Variants in RINT1 observed in about 807,000 individuals in gnomAD.
The protein encoded by RINT1 is RAD50-interacting protein 1.
Under a neutral mutation model 97.7 loss-of-function variants are expected in RINT1, and 75 were observed. The observed-to-expected ratio is 0.77, with a 90% confidence interval of 0.64 to 0.93. The LOEUF is 0.93. RINT1 is among the 40% of genes least tolerant of loss of function. The pLI is 0.00. For synonymous variants in RINT1, 303 were observed against 326.3 expected, an observed-to-expected ratio of 0.93 and a Z score of 0.77; for missense variants, 892 against 925.2, an observed-to-expected ratio of 0.96 and a Z score of 0.47.
chr7:105,565,352 G>A lies in RINT1; in HGVS notation c.1962G>A (p.Thr654=), dbSNP rs139532717. ...GTTCGGCTTGCCCGTTGCTGCTGAC[G>A]TTACGAGACCATTTACTTCAGTTGG... ...LSSSACPLLL[T]LRDHLLQLEQ... is the part of the protein sequence containing the mutation. The change falls in exon 13 of 15, where the codon ACG becomes ACA. Residue 654 remains threonine (T), a synonymous_variant. Coordinates refer to ENST00000257700, the MANE Select transcript of RINT1 (RefSeq NM_021930.6). 435 of 1,614,166 alleles carry A rather than the reference G, an allele frequency of 2.7e-4. No individual in the cohort carries two copies. The African/African-American group carries it at 4.7e-3, about 17-fold the overall frequency.
chr7:105,543,646 G>A (rs1237594926), intron 4 of RINT1, among the ~76,000 whole-genome samples: 1 of 152,126 alleles, frequency 6.6e-6, no homozygotes, highest in Non-Finnish European at 1.5e-5. Flanking sequence ...AGGGAGAAAA[G>A]TCTTCTGGGA....
chr7:105,556,957 C>T (rs1315043006), intron 11 of RINT1, among the ~76,000 whole-genome samples: 1 of 152,140 alleles, frequency 6.6e-6, no homozygotes, highest in Non-Finnish European at 1.5e-5. Flanking sequence ...CCTTCTTGAA[C>T]AGGGTGCCCT....
chr7:105,557,125 A>G (rs1791213859), intron 11 of RINT1, among the ~76,000 whole-genome samples: 1 of 152,214 alleles, frequency 6.6e-6, no homozygotes, highest in Non-Finnish European at 1.5e-5. Flanking sequence ...GACATTAAAT[A>G]TTAAAGAAAC....
At chr7:105,542,209 TGTG>T in intron 3 of RINT1, 196 bp from the exon 4 acceptor site, 2 of 518,018 alleles carry the variant, frequency 3.9e-6, no homozygotes, top group Non-Finnish European at 6.8e-6. Flanking sequence ...GTGGTGCATA[TGTG>T]TAGTCCCAAC....
rs906079883 is a variant in RINT1, at chr7:105,550,173, A to T, written c.1107+8A>T. 2 of 1,607,048 alleles carry T rather than the reference A, an allele frequency of 1.2e-6. No individual in the cohort carries two copies. The highest frequency in any genetic ancestry group is 3.3e-5 in the Admixed American group (2 of 59,880). ...TCTTTGGTAAACGCAAGGGTAAGAG[A>T]CTCAGTCATAAGTGTTTCTGTTTTA... is the stretch of plus-strand genomic sequence containing the variant. On this transcript the variant is annotated splice_region_variant and intron_variant, in intron 8 of 14. Transcript: ENST00000257700.
In RINT1 at chr7:105,547,204, C is replaced by G; in HGVS notation, c.710C>G (p.Ala237Gly). Residue 237 changes from alanine to glycine, a missense_variant, in exon 6 of 15, where the codon GCA becomes GGA. Coordinates refer to ENST00000257700, the MANE Select transcript of RINT1 (RefSeq NM_021930.6). ...KLTSDFEEILAQLHWPFIAPP... is the reference protein window; with the variant it reads ...KLTSDFEEILGQLHWPFIAPP... Reference sequence around the variant, plus strand: ...TGCAGTGATTTTGAGGAAATTTTAGCACAGCTTCATTGGCCATTCATCGCA... The same window carrying G: ...TGCAGTGATTTTGAGGAAATTTTAGGACAGCTTCATTGGCCATTCATCGCA... 2 of 1,614,118 alleles carry G rather than the reference C, an allele frequency of 1.2e-6. No homozygotes were observed. The highest frequency in any genetic ancestry group is 1.7e-6 in the Non-Finnish European group (2 of 1,180,020).
chr7:105,560,118 AG>A (rs1283377912), intron 11 of RINT1, among the ~76,000 whole-genome samples: 3 of 152,184 alleles, frequency 2.0e-5, no homozygotes, highest in African/African-American at 7.2e-5. Context: ...TTTTGTTCTG[AG>A]GCAGGCTCTG....
intron 2 of RINT1, among the ~76,000 whole-genome samples, chr7:105,536,037 G>T (rs1790215940): frequency 6.6e-6 from 1 of 152,148 alleles, no homozygotes. Flanking sequence ...GAGTGCTTTA[G>T]AGCTATTCTT....
At chr7:105,538,175 T>A (rs1425924094) in intron 3 of RINT1, among the ~76,000 whole-genome samples, 1 of 151,938 alleles carries the variant, frequency 6.6e-6, no homozygotes, top group Non-Finnish European at 1.5e-5. Context: ...GTATTTTTAG[T>A]AGAGACAGGG....
At chr7:105,552,620 T>C (rs1790977396) in intron 10 of RINT1, among the ~76,000 whole-genome samples, 1 of 151,410 alleles carries the variant, frequency 6.6e-6, no homozygotes, top group African/African-American at 2.4e-5. Context: ...TAGGCTTGTC[T>C]GGTAACCTGA....
rs1790707317 is a variant in RINT1, at chr7:105,547,243, A to C, written c.749A>C (p.Gln250Pro). The C allele has an allele frequency of 6.2e-7, 1 of 1,614,186 alleles. No individual in the cohort carries two copies. Among genetic ancestry groups the C allele is most frequent in the South Asian group, 1.1e-5 (1 of 91,088 alleles). ...CCATTCATCGCACCCCCTCAATCAC[A>C]AACTGTTGGCTTAAGTCGACCTGCC... Reference protein sequence around the residue: ...HWPFIAPPQSQTVGLSRPASA... With the variant: ...HWPFIAPPQSPTVGLSRPASA... The change falls in exon 6 of 15, where the codon CAA becomes CCA. Residue 250 changes from glutamine to proline, a missense_variant. Transcript: ENST00000257700.
intron 2 of RINT1, among the ~76,000 whole-genome samples, chr7:105,536,282 C>A (rs1184973263): frequency 6.6e-6 from 1 of 152,116 alleles, no homozygotes; most frequent in Non-Finnish European, 1.5e-5. Flanking sequence ...CCTCAGCCTC[C>A]CGAATAGCTG....
chr7:105,559,590 G>A (rs1053562986), intron 11 of RINT1, among the ~76,000 whole-genome samples: 19 of 150,466 alleles, frequency 1.3e-4, no homozygotes, highest in African/African-American at 4.4e-4. Flanking sequence ...GTGTGGTGGC[G>A]GACGCCTATA....
At chr7:105,555,307 A>G (rs1791135004) in intron 11 of RINT1, 80 bp downstream of exon 11, 2 of 1,170,566 alleles carry the variant, frequency 1.7e-6, no homozygotes, top group South Asian at 1.6e-5. Context: ...TGTTGAATCT[A>G]TTGCAAGCAA....
chr7:105,542,020 G>A (rs889427363), intron 3 of RINT1, among the ~76,000 whole-genome samples: 5 of 152,044 alleles, frequency 3.3e-5, no homozygotes, highest in African/African-American at 1.2e-4. Context: ...GGATTGATTA[G>A]TACAGGATGA....
At chr7:105,557,892 TAA>T (rs1268177634) in intron 11 of RINT1, among the ~76,000 whole-genome samples, 1 of 152,168 alleles carries the variant, frequency 6.6e-6, no homozygotes, top group African/African-American at 2.4e-5. Context: ...AGTAATTAGT[TAA>T]AGTTTTTTTC....
intron 11 of RINT1, among the ~76,000 whole-genome samples, chr7:105,556,265 C>T (rs565871517): frequency 2.0e-5 from 3 of 151,822 alleles, no homozygotes; most frequent in Admixed American, 2.0e-4. Context: ...CGAGTTTTCA[C>T]CTTATTGGCC....
rs1465121767 is a variant in RINT1 at position 105,565,275 on chromosome 7, A to C, written c.1887-2A>C. Reference sequence around the variant, plus strand: ...TTTTTGGTAAAAATGTGTTTTTTCCAGATGGTTGTCCTTGCCATCTCAGTC... The same window carrying C: ...TTTTTGGTAAAAATGTGTTTTTTCCCGATGGTTGTCCTTGCCATCTCAGTC... On this transcript the variant is annotated splice_acceptor_variant, in intron 12 of 14. Coordinates refer to ENST00000257700, the MANE Select transcript of RINT1 (RefSeq NM_021930.6). LOFTEE classifies it high-confidence loss of function. 6.4e-6 allele frequency: 10 copies of C among 1,563,740 alleles called. No homozygotes were observed. The highest frequency in any genetic ancestry group is 8.7e-6 in the Non-Finnish European group (10 of 1,155,654).
In RINT1 at chr7:105,532,796, G is replaced by A. The variant is rs559742857; in HGVS notation, c.43-28G>A. On this transcript the variant is annotated intron_variant, in intron 1 of 14. Coordinates refer to ENST00000257700, the MANE Select transcript of RINT1 (RefSeq NM_021930.6). ...TTCCATCCACGACTTTAATCTTAAT[G>A]TGCTTGTCACATCTGTTCTTCTTCT... is the stretch of plus-strand genomic sequence containing the variant. 2.5e-6 allele frequency: 4 copies of A among 1,613,402 alleles called. No individual in the cohort carries two copies. The South Asian group carries it at 3.3e-5, about 13-fold the overall frequency.
Sources: allele counts gnomAD v4.1 joint callset (sites outside exome capture counted in the v4.1 genomes callset), GRCh38; gene constraint gnomAD v4.1.1; transcripts MANE v1.5; gene names NCBI Gene and HGNC (gene_info 2026-07-23, HGNC 2026-07-21).